The following ATG7 variants were observed in gnomAD, a reference collection of about 807,000 sequenced individuals.
ATG7 encodes autophagy related 7, also known as ubiquitin-like modifier-activating enzyme ATG7.
Under a neutral mutation model 82.4 loss-of-function variants are expected in ATG7, and 70 were observed. That is an observed-to-expected ratio of 0.85 (90% CI 0.70 to 1.04). ATG7 has a LOEUF of 1.04. Among genes scored for constraint, ATG7 ranks in the 50% least tolerant of loss-of-function variants. The pLI, the probability that ATG7 is intolerant of heterozygous loss-of-function variation, is 0.00. For missense variants in ATG7, 792 were observed against 864.3 expected, an observed-to-expected ratio of 0.92 and a Z score of 1.05; for synonymous variants, 287 against 313.0, an observed-to-expected ratio of 0.92 and a Z score of 0.88.
At chr3:11,377,440 TGTG>T (rs1414458217) in intron 18 of ATG7, among the ~76,000 whole-genome samples, 1 of 152,142 alleles carries the variant, frequency 6.6e-6, no homozygotes, top group Non-Finnish European at 1.5e-5. Context: ...CCTCGCCACC[TGTG>T]GTGGTGTTGT....
intron 19 of ATG7, among the ~76,000 whole-genome samples, chr3:11,412,370 T>C (rs922625518): frequency 2.0e-5 from 3 of 152,076 alleles, no homozygotes; most frequent in Non-Finnish European, 4.4e-5. Flanking sequence ...AATTTCCATG[T>C]TTATCCAAAA....
intron 20 of ATG7, among the ~76,000 whole-genome samples, chr3:11,448,797 G>A (rs1002787391): frequency 1.1e-4 from 17 of 152,232 alleles, no homozygotes; most frequent in Admixed American, 1.1e-3. Flanking sequence ...TAAGGGGGTC[G>A]CTGTTCCAAT....
intron 20 of ATG7, among the ~76,000 whole-genome samples, chr3:11,445,904 C>T (rs1026140774): frequency 3.3e-5 from 5 of 152,058 alleles, no homozygotes; most frequent in African/African-American, 7.2e-5. Context: ...TGATGTTAAA[C>T]GTCTTATGTA....
chr3:11,554,324 T>A (rs907978149), intron 20 of ATG7, among the ~76,000 whole-genome samples: 5 of 152,180 alleles, frequency 3.3e-5, no homozygotes, highest in African/African-American at 1.2e-4. Context: ...GTTGGGAGTG[T>A]GGGCAGCTGG....
chr3:11,424,947 T>C (rs2082236864), intron 19 of ATG7, among the ~76,000 whole-genome samples: 1 of 151,320 alleles, frequency 6.6e-6, no homozygotes, highest in Non-Finnish European at 1.5e-5. Flanking sequence ...TAGACCTGCC[T>C]CATTCTTTTA....
chr3:11,510,144 C>G, intron 20 of ATG7: 1 of 449,018 alleles, frequency 2.2e-6, no homozygotes, highest in Non-Finnish European at 4.5e-6. Flanking sequence ...ACGTGCCTGA[C>G]ACAGAGTTGC....
chr3:11,552,449 C>A (rs985714495), intron 20 of ATG7, among the ~76,000 whole-genome samples: 1 of 152,174 alleles, frequency 6.6e-6, no homozygotes, highest in African/African-American at 2.4e-5. Flanking sequence ...GCCAAGGACA[C>A]AGCTGCGGTG....
chr3:11,390,615 A>G (rs2078720441), intron 19 of ATG7, among the ~76,000 whole-genome samples: 1 of 149,988 alleles, frequency 6.7e-6, no homozygotes, highest in Admixed American at 6.6e-5. Flanking sequence ...CTCTCACAGT[A>G]TTTTCCTCAT....
chr3:11,488,467 G>A (rs941963797), intron 20 of ATG7: 68 of 1,286,008 alleles, frequency 5.3e-5, no homozygotes, highest in African/African-American at 7.9e-5. Flanking sequence ...CAGCGGCTCC[G>A]CTTCATATCT....
chr3:11,517,888 T>C (rs1243166421), intron 20 of ATG7, among the ~76,000 whole-genome samples: 1 of 152,170 alleles, frequency 6.6e-6, no homozygotes, highest in African/African-American at 2.4e-5. Context: ...CAGAGTGTTT[T>C]TAGCAGGGTG....
intron 20 of ATG7, among the ~76,000 whole-genome samples, chr3:11,427,480 G>A (rs1348042420): frequency 7.2e-6 from 1 of 138,420 alleles, no homozygotes; most frequent in Non-Finnish European, 1.5e-5. Context: ...AATTTCCTGG[G>A]TCATTGCATC....
rs575451346 is a variant in ATG7, at chr3:11,396,666, C to G, written c.1956+16614C>G. Among the ~76,000 whole-genome samples the G allele has an allele frequency of 7.3e-5, 11 of 151,592 alleles. No individual in the cohort carries two copies. The South Asian group carries it at 2.3e-3, about 32-fold the overall frequency. On this transcript the variant is annotated intron_variant, in intron 19 of 20. Coordinates refer to ENST00000693202, the MANE Select transcript of ATG7 (RefSeq NM_001349232.2). ...GCATGGTGGCAGACACCTGTAATTC[C>G]AGCTACTCAGGAGGCTGAAGCAGGA...
intron 7 of ATG7, among the ~76,000 whole-genome samples, chr3:11,310,027 G>T (rs1325444846): frequency 6.6e-6 from 1 of 152,014 alleles, no homozygotes; most frequent in East Asian, 1.9e-4. Context: ...TTAGCTGGGT[G>T]TGGTGGCGCC....
chr3:11,368,784 A>G (rs1046511989), intron 18 of ATG7, among the ~76,000 whole-genome samples: 6 of 150,624 alleles, frequency 4.0e-5, no homozygotes, highest in African/African-American at 1.5e-4. Flanking sequence ...CAGTTGTCCA[A>G]ACACCAAGGT....
intron 19 of ATG7, among the ~76,000 whole-genome samples, chr3:11,417,434 T>C (rs2081465779): frequency 6.6e-6 from 1 of 152,224 alleles, no homozygotes; most frequent in Non-Finnish European, 1.5e-5. Flanking sequence ...CCCTTCTTTA[T>C]CTAATAACAT....
At chr3:11,568,607 T>C in the ATG7 span, 1 of 1,568,076 alleles carries the variant, frequency 6.4e-7, no homozygotes, top group South Asian at 1.2e-5. The surrounding 1 kb of genome is among the most constrained non-coding windows in gnomAD (Gnocchi z 5.9). Context: ...TTACTCACAT[T>C]TCCAGCTCAT....
At chr3:11,481,125 T>C (rs1002905221) in intron 20 of ATG7, among the ~76,000 whole-genome samples, 5 of 152,282 alleles carry the variant, frequency 3.3e-5, no homozygotes, top group African/African-American at 7.2e-5. Flanking sequence ...TTCCCAAGCA[T>C]GTGCTTTGTG....
intron 19 of ATG7, among the ~76,000 whole-genome samples, chr3:11,398,180 C>G (rs2079488019): frequency 6.6e-6 from 1 of 151,694 alleles, no homozygotes; most frequent in Non-Finnish European, 1.5e-5. Flanking sequence ...ACTTGGTTAA[C>G]ATGATTAATA....
intron 20 of ATG7, among the ~76,000 whole-genome samples, chr3:11,519,841 G>T (rs761997912): frequency 1.3e-5 from 2 of 151,980 alleles, no homozygotes; most frequent in Non-Finnish European, 2.9e-5. Context: ...GATTACAGGC[G>T]TGAGCCACCA....
Sources: gnomAD v4.1 joint callset for allele counts (sites outside exome capture counted in the v4.1 genomes callset) on GRCh38, gnomAD v4.1.1 for gene constraint, Gnocchi (gnomAD v3.1) non-coding constraint, MANE v1.5 for transcripts, NCBI Gene and HGNC (gene_info 2026-07-23, HGNC 2026-07-21) for gene names.